ELOVL7: variants seen among roughly 807,000 people sequenced by gnomAD.
The protein encoded by ELOVL7 is very long chain fatty acid elongase 7.
Under a neutral mutation model 35.7 loss-of-function variants are expected in ELOVL7, and 27 were observed. The ratio of observed to expected loss-of-function variants is 0.76; its 90% confidence interval spans 0.56 to 1.04. The LOEUF (loss-of-function observed/expected upper bound fraction) is 1.04. ELOVL7 is among the 50% of genes least tolerant of loss of function. ELOVL7 has a pLI of 0.00. For synonymous variants in ELOVL7, 113 were observed against 114.6 expected, an observed-to-expected ratio of 0.99 and a Z score of 0.09; for missense variants, 327 against 340.8, an observed-to-expected ratio of 0.96 and a Z score of 0.32.
intron 1 of ELOVL7, among the ~76,000 whole-genome samples, chr5:60,824,435 A>G (rs115536014): frequency 6.6e-5 from 10 of 152,338 alleles, no homozygotes; most frequent in Non-Finnish European, 1.0e-4. Context: ...GAGACAAAGA[A>G]GACTAAGAAA....
chr5:60,762,214 G>T lies in ELOVL7; in HGVS notation c.499+2013C>A, dbSNP rs896897747. On this transcript the variant is annotated intron_variant, in intron 7 of 8. Transcript: ENST00000508821. ...TACCACTTAAAAACTGAGGTATGTC[G>T]CTTGAACCTGGGAAGCGGAGGTTGC... Among the ~76,000 whole-genome samples, 6 of 148,532 alleles carry T rather than the reference G, an allele frequency of 4.0e-5. No individual in the cohort carries two copies. The East Asian group carries it at 9.9e-4, about 25-fold the overall frequency.
At chr5:60,797,868 A>C (rs1283354437) in intron 2 of ELOVL7, among the ~76,000 whole-genome samples, 1 of 152,228 alleles carries the variant, frequency 6.6e-6, no homozygotes, top group African/African-American at 2.4e-5. Context: ...CCTGCCCCCA[A>C]TTCTTTTCAA....
intron 1 of ELOVL7, among the ~76,000 whole-genome samples, chr5:60,837,315 T>TGGGGGGGGGGGGGGGG (rs1227317155): frequency 1.2e-4 from 3 of 24,512 alleles, no homozygotes; most frequent in African/African-American, 1.7e-4. Context: ...GGCGGGGGGG[T>TGGGGGGGGGGGGGGGG]GGGGGGGGAG....
In ELOVL7 at chr5:60,827,871, C is replaced by T. The variant is rs547036353; in HGVS notation, c.-86+16289G>A. Among the ~76,000 whole-genome samples the T allele has an allele frequency of 8.5e-5, 13 of 152,266 alleles. No individual in the cohort carries two copies. The East Asian group carries it at 1.7e-3, about 20-fold the overall frequency. On this transcript the variant is annotated intron_variant, in intron 1 of 8. Coordinates refer to ENST00000508821, the MANE Select transcript of ELOVL7 (RefSeq NM_024930.3). ...GTGGTACAGGCCCCAACCTTGGCCT[C>T]CCATCCTTCCTGCACACCCAGAATC...
rs533810582 is a variant in ELOVL7, at chr5:60,780,555, T to C, written c.64+6779A>G. 3.3e-5 allele frequency among the ~76,000 whole-genome samples: 5 copies of C among 152,330 alleles called. No individual in the cohort carries two copies. In the South Asian group the frequency reaches 1.0e-3, roughly 32 times the overall value. ...GCCCCATTCTGAGATACCAATTTAC[T>C]GTATTAGTCCATTCTCACACTGCTA... On this transcript the variant is annotated intron_variant, in intron 3 of 8. Coordinates refer to ENST00000508821, the MANE Select transcript of ELOVL7 (RefSeq NM_024930.3).
chr5:60,823,897 GAA>G (rs1212157193), intron 1 of ELOVL7, among the ~76,000 whole-genome samples: 4 of 152,132 alleles, frequency 2.6e-5, no homozygotes, highest in African/African-American at 9.7e-5. Flanking sequence ...GTCACTGAGT[GAA>G]AGACTTAAGT....
intron 1 of ELOVL7, among the ~76,000 whole-genome samples, chr5:60,826,033 TAG>T (rs1561470476): frequency 6.6e-6 from 1 of 152,210 alleles, no homozygotes; most frequent in Admixed American, 6.5e-5. Flanking sequence ...ATGAATCCTA[TAG>T]AGAGCAAAAA....
intron 3 of ELOVL7, among the ~76,000 whole-genome samples, chr5:60,781,147 T>C (rs780962916): frequency 1.3e-5 from 2 of 150,412 alleles, no homozygotes; most frequent in Non-Finnish European, 3.0e-5. Flanking sequence ...GAGGTGGAGG[T>C]TGCAGTGAAC....
chr5:60,754,603 A>T lies in ELOVL7; in HGVS notation c.*21T>A. ...CAAGGAAGACAATGTATCAGTTTCGATCATAGACTTATGTTGGGCTTCAAT... is the reference window on the plus strand; with the variant it reads ...CAAGGAAGACAATGTATCAGTTTCGTTCATAGACTTATGTTGGGCTTCAAT... On this transcript the variant is annotated 3_prime_UTR_variant, in exon 9 of 9. Coordinates refer to ENST00000508821, the MANE Select transcript of ELOVL7 (RefSeq NM_024930.3). 1 of 1,606,572 alleles carries T rather than the reference A, an allele frequency of 6.2e-7. No homozygotes were observed. Among genetic ancestry groups the T allele is most frequent in the Non-Finnish European group, 8.5e-7 (1 of 1,173,318 alleles).
intron 3 of ELOVL7, among the ~76,000 whole-genome samples, chr5:60,781,828 CCTT>C (rs1743273918): frequency 6.6e-6 from 1 of 152,182 alleles, no homozygotes; most frequent in South Asian, 2.1e-4. Context: ...AATTGACTCA[CCTT>C]CTCTGTATTT....
chr5:60,815,504 T>A (rs1346208587), intron 1 of ELOVL7, among the ~76,000 whole-genome samples: 1 of 151,968 alleles, frequency 6.6e-6, no homozygotes, highest in Non-Finnish European at 1.5e-5. Context: ...GAAGTAAACA[T>A]GAACATCACA....
At chr5:60,836,558 TGAA>T (rs1746809413) in intron 1 of ELOVL7, among the ~76,000 whole-genome samples, 1 of 152,060 alleles carries the variant, frequency 6.6e-6, no homozygotes, top group Non-Finnish European at 1.5e-5. Context: ...ACTGTCTGCC[TGAA>T]GAAGGTACAA....
At chr5:60,832,030 G>A (rs1420351226) in intron 1 of ELOVL7, among the ~76,000 whole-genome samples, 1 of 152,178 alleles carries the variant, frequency 6.6e-6, no homozygotes, top group Non-Finnish European at 1.5e-5. Flanking sequence ...CATATCAGCT[G>A]CCTCTCCCAA....
At chr5:60,777,471 G>A (rs1398496402) in intron 3 of ELOVL7, among the ~76,000 whole-genome samples, 3 of 151,990 alleles carry the variant, frequency 2.0e-5, no homozygotes, top group African/African-American at 7.2e-5. Flanking sequence ...TGGTCAAGCA[G>A]AGGTGGCTTA....
rs545257086 is a variant in ELOVL7 at position 60,786,571 on chromosome 5, T to C, written c.64+763A>G. On this transcript the variant is annotated intron_variant, in intron 3 of 8. Transcript: ENST00000508821. Reference sequence around the variant, plus strand: ...CAGGCATATCAGAATCACTCGGAGGTGTCCCAGGCAGTCATTCCCTGGTTT... The same window carrying C: ...CAGGCATATCAGAATCACTCGGAGGCGTCCCAGGCAGTCATTCCCTGGTTT... Among the ~76,000 whole-genome samples the C allele has an allele frequency of 3.9e-5, 6 of 152,112 alleles. No homozygotes were observed. The East Asian group carries it at 9.7e-4, about 25-fold the overall frequency.
intron 1 of ELOVL7, among the ~76,000 whole-genome samples, chr5:60,820,101 G>C (rs1310450174): frequency 1.3e-5 from 2 of 152,208 alleles, no homozygotes; most frequent in Non-Finnish European, 2.9e-5. Flanking sequence ...TCAAGGACTG[G>C]GGAGAGGTTC....
chr5:60,839,180 AAAATAAAT>A (rs1312970355), intron 1 of ELOVL7, among the ~76,000 whole-genome samples: 2 of 151,942 alleles, frequency 1.3e-5, no homozygotes, highest in Non-Finnish European at 2.9e-5. Context: ...ATCTCTACCA[AAAATAAAT>A]AAATAAATAA....
chr5:60,777,184 G>A (rs1023946938), intron 3 of ELOVL7, among the ~76,000 whole-genome samples: 9 of 152,046 alleles, frequency 5.9e-5, no homozygotes, highest in African/African-American at 1.9e-4. Flanking sequence ...TTGGTGGCAC[G>A]ACAGGCTGAC....
rs949518982 is a variant in ELOVL7, at chr5:60,767,714, C to A, written c.336+109G>T. The A allele has an allele frequency of 5.7e-6, 4 of 698,236 alleles. No individual in the cohort carries two copies. In the South Asian group the frequency reaches 7.9e-5, roughly 14 times the overall value. 43.3% of individuals were successfully genotyped at this position (698,236 alleles called of 1,614,324 possible). On this transcript the variant is annotated intron_variant, in intron 5 of 8. Coordinates refer to ENST00000508821, the MANE Select transcript of ELOVL7 (RefSeq NM_024930.3). Reference sequence around the variant, plus strand: ...CTTTCTCCACCACAACACACACAATCTGATAACTGAGTCATCTGCTTATTC... The same window carrying A: ...CTTTCTCCACCACAACACACACAATATGATAACTGAGTCATCTGCTTATTC...
Sources: allele counts gnomAD v4.1 joint callset (sites outside exome capture counted in the v4.1 genomes callset), GRCh38; gene constraint gnomAD v4.1.1; transcripts MANE v1.5; gene names NCBI Gene and HGNC (gene_info 2026-07-23, HGNC 2026-07-21).